The following SLC39A11 variants were observed in gnomAD, a reference collection of about 807,000 sequenced individuals.
The protein encoded by SLC39A11 is zinc transporter ZIP11.
In SLC39A11, 33 loss-of-function variants were observed where a neutral mutation model predicts 36.1. The ratio of observed to expected loss-of-function variants is 0.91; its 90% CI spans 0.69 to 1.22. The LOEUF (loss-of-function observed/expected upper bound fraction) is 1.22. Among genes scored for constraint, SLC39A11 ranks in the 50% most tolerant of loss-of-function variants. SLC39A11 has a pLI of 0.00. For missense variants in SLC39A11, 432 were observed against 430.3 expected, an observed-to-expected ratio of 1.00 and a Z score of -0.03; for synonymous variants, 166 against 170.3, an observed-to-expected ratio of 0.97 and a Z score of 0.20.
chr17:72,701,533 G>A (rs1279751464), intron 7 of SLC39A11, among the ~76,000 whole-genome samples: 2 of 152,096 alleles, frequency 1.3e-5, no homozygotes, highest in African/African-American at 4.8e-5. Context: ...TTCGAGACCA[G>A]CCTGGCCAAC....
intron 4 of SLC39A11, among the ~76,000 whole-genome samples, chr17:73,013,631 G>A (rs538514526): frequency 1.2e-4 from 18 of 152,246 alleles, no homozygotes; most frequent in South Asian, 8.3e-4. Context: ...GGCCCAGGAC[G>A]GCTTTGAATG....
chr17:73,057,251 C>T (rs563121096), intron 3 of SLC39A11, among the ~76,000 whole-genome samples: 7 of 152,236 alleles, frequency 4.6e-5, no homozygotes, highest in South Asian at 2.1e-4. Flanking sequence ...CAGCAGGGGC[C>T]GCTGCACCTG....
chr17:73,009,058 C>CAAAAAAAAAAAA (rs34448509), intron 4 of SLC39A11, among the ~76,000 whole-genome samples: 1 of 78,816 alleles, frequency 1.3e-5, no homozygotes, highest in African/African-American at 4.6e-5. Flanking sequence ...AGACCTGCCT[C>CAAAAAAAAAAAA]AAAAAAAAAA....
intron 4 of SLC39A11, among the ~76,000 whole-genome samples, chr17:73,004,645 A>G (rs1393793850): frequency 6.6e-6 from 1 of 152,238 alleles, no homozygotes; most frequent in Non-Finnish European, 1.5e-5. Context: ...TGGGTAAAAT[A>G]AGTCTCATTA....
intron 6 of SLC39A11, among the ~76,000 whole-genome samples, chr17:72,840,464 A>C (rs1248436594): frequency 1.3e-5 from 2 of 152,218 alleles, no homozygotes; most frequent in Non-Finnish European, 2.9e-5. Context: ...ACAATGTAGA[A>C]AGAAAATTAG....
intron 5 of SLC39A11, among the ~76,000 whole-genome samples, chr17:72,875,923 G>A (rs1300071041): frequency 6.6e-6 from 1 of 152,114 alleles, no homozygotes; most frequent in African/African-American, 2.4e-5. Context: ...GCAACATCCT[G>A]GAGCTACCAC....
chr17:72,880,033 A>G (rs781011597), intron 5 of SLC39A11, among the ~76,000 whole-genome samples: 6 of 152,148 alleles, frequency 3.9e-5, no homozygotes, highest in Admixed American at 1.3e-4. Context: ...GTTTCCTCCC[A>G]TCTTCTCATT....
chr17:72,828,760 T>A (rs1176197592), intron 6 of SLC39A11, among the ~76,000 whole-genome samples: 1 of 152,140 alleles, frequency 6.6e-6, no homozygotes, highest in African/African-American at 2.4e-5. Flanking sequence ...GGCCCCACCC[T>A]GGTCCAGGTG....
At chr17:73,023,247 C>A (rs2058416788) in intron 4 of SLC39A11, among the ~76,000 whole-genome samples, 1 of 151,870 alleles carries the variant, frequency 6.6e-6, no homozygotes, top group Non-Finnish European at 1.5e-5. Context: ...AAAGATGTTA[C>A]CCTGGGCTGA....
At chr17:72,733,145 A>G (rs79836458) in intron 7 of SLC39A11, among the ~76,000 whole-genome samples, 1,574 of 152,324 alleles carry the variant, frequency 0.01, 28 homozygotes, top group East Asian at 0.043. Flanking sequence ...CCAACCCTCA[A>G]TCCTTTGAAG....
At chr17:72,950,703 C>T (rs1021827213) in intron 4 of SLC39A11, among the ~76,000 whole-genome samples, 23 of 152,184 alleles carry the variant, frequency 1.5e-4, no homozygotes, top group Middle Eastern at 3.4e-3. Flanking sequence ...GAAGAAATGC[C>T]GCAGCATTAA....
intron 6 of SLC39A11, among the ~76,000 whole-genome samples, chr17:72,794,857 T>C (rs1272288079): frequency 6.6e-6 from 1 of 152,034 alleles, no homozygotes; most frequent in African/African-American, 2.4e-5. Flanking sequence ...ACATTGACTA[T>C]CTCACACTGT....
intron 3 of SLC39A11, among the ~76,000 whole-genome samples, chr17:73,076,331 A>G (rs1325638575): frequency 1.3e-5 from 2 of 152,198 alleles, no homozygotes; most frequent in Non-Finnish European, 2.9e-5. Flanking sequence ...ATGAGAAAAA[A>G]CAACTTGCGA....
At chr17:72,686,579 G>T (rs2071762666) in intron 7 of SLC39A11, among the ~76,000 whole-genome samples, 1 of 139,432 alleles carries the variant, frequency 7.2e-6, no homozygotes, top group Admixed American at 7.1e-5. Flanking sequence ...CTGTTCTTCT[G>T]TCCAGTGAGG....
intron 6 of SLC39A11, among the ~76,000 whole-genome samples, chr17:72,805,751 T>A (rs375688059): frequency 0.019 from 2,902 of 151,104 alleles, 39 homozygotes; most frequent in South Asian, 0.077. Flanking sequence ...TTTTTCTTTT[T>A]CTTTTTTTTT....
chr17:72,699,276 T>C (rs1192175081), intron 7 of SLC39A11, among the ~76,000 whole-genome samples: 1 of 152,190 alleles, frequency 6.6e-6, no homozygotes, highest in Non-Finnish European at 1.5e-5. Context: ...TGAGCTAAAA[T>C]AAAAAAATTT....
intron 3 of SLC39A11, among the ~76,000 whole-genome samples, chr17:73,045,628 C>G (rs985921669): frequency 6.6e-6 from 1 of 151,982 alleles, no homozygotes; most frequent in Non-Finnish European, 1.5e-5. Flanking sequence ...GTTCAATGTT[C>G]CTCTTCTACA....
At chr17:72,969,494 A>C (rs895657624) in intron 4 of SLC39A11, among the ~76,000 whole-genome samples, 3 of 152,106 alleles carry the variant, frequency 2.0e-5, no homozygotes, top group Non-Finnish European at 4.4e-5. Context: ...TGCCTTATGG[A>C]CACCAACCAG....
intron 4 of SLC39A11, among the ~76,000 whole-genome samples, chr17:72,979,946 G>T (rs1273261596): frequency 6.6e-6 from 1 of 151,970 alleles, no homozygotes; most frequent in East Asian, 1.9e-4. Context: ...CCCCAAAATG[G>T]TGCATCCTTC....
Sources: allele counts gnomAD v4.1 joint callset (sites outside exome capture counted in the v4.1 genomes callset), GRCh38; gene constraint gnomAD v4.1.1; transcripts MANE v1.5; gene names NCBI Gene and HGNC (gene_info 2026-07-23, HGNC 2026-07-21).